Variants in BAIAP2 observed in about 807,000 individuals in gnomAD.
BAIAP2 encodes the protein BAR/IMD domain containing adaptor protein 2, also known as BAR/IMD domain-containing adapter protein 2.
Under a neutral mutation model 63.0 loss-of-function variants are expected in BAIAP2, and 18 were observed. The ratio of observed to expected loss-of-function variants is 0.29; its 90% CI spans 0.20 to 0.42. BAIAP2 has a LOEUF of 0.42. BAIAP2 is among the 10% of genes least tolerant of loss of function. The pLI, the probability that BAIAP2 is intolerant of heterozygous loss-of-function variation, is 1.00. For missense variants in BAIAP2, 610 were observed against 734.3 expected, an observed-to-expected ratio of 0.83 and a Z score of 1.96; for synonymous variants, 386 against 307.6, an observed-to-expected ratio of 1.25 and a Z score of -2.67.
chr17:81,098,131 AG>A (rs2057948445), intron 6 of BAIAP2: 2 of 1,445,228 alleles, frequency 1.4e-6, no homozygotes, highest in Non-Finnish European at 1.8e-6. Flanking sequence ...CTCCTCCCAG[AG>A]GGACAGAGGC....
At chr17:81,102,286 GGCCGCTGTGTCAGGGCCGT>G (rs2058598653) in intron 7 of BAIAP2, among the ~76,000 whole-genome samples, 1 of 152,178 alleles carries the variant, frequency 6.6e-6, no homozygotes, top group Non-Finnish European at 1.5e-5. Flanking sequence ...GCTGGCTCGT[GGCCGCTGTGTCAGGGCCGT>G]GCCGCTGCGA....
At chr17:81,073,296 G>A (rs1174586966) in intron 3 of BAIAP2, among the ~76,000 whole-genome samples, 2 of 152,102 alleles carry the variant, frequency 1.3e-5, no homozygotes, top group Admixed American at 1.3e-4. Flanking sequence ...ACCACCTGGG[G>A]TGCCTTTCAG....
chr17:81,037,503 A>G (rs373804830), intron 1 of BAIAP2, among the ~76,000 whole-genome samples: 1 of 152,328 alleles, frequency 6.6e-6, no homozygotes, highest in African/African-American at 2.4e-5. Context: ...GCTTTTGGCA[A>G]TGTCAGCCAG....
intron 6 of BAIAP2, among the ~76,000 whole-genome samples, chr17:81,095,909 C>G (rs1035583610): frequency 1.3e-5 from 2 of 152,184 alleles, no homozygotes; most frequent in African/African-American, 4.8e-5. Context: ...GCCAGTACCC[C>G]TCGCTGTACT....
chr17:81,104,954 A>G (rs1487632049), intron 10 of BAIAP2: 3 of 506,180 alleles, frequency 5.9e-6, no homozygotes, highest in African/African-American at 5.8e-5. Context: ...GTCTTCCCCT[A>G]CAGGAGGGAT....
At chr17:81,064,803 C>CA (rs150572370) in intron 3 of BAIAP2, among the ~76,000 whole-genome samples, 9,461 of 152,300 alleles carry the variant, frequency 0.062, 352 homozygotes, top group African/African-American at 0.095. Flanking sequence ...CGTCTTCAGT[C>CA]AGAGACTGTT....
chr17:81,074,718 G>A (rs144534901), intron 3 of BAIAP2, among the ~76,000 whole-genome samples: 2 of 150,268 alleles, frequency 1.3e-5, no homozygotes, highest in Non-Finnish European at 3.0e-5. Context: ...GTGTCTGTGC[G>A]TCTGTGTGCG....
At position 81,116,697 on chromosome 17, in the gene BAIAP2, G is replaced by T; in HGVS notation, c.*858G>T. 1 of 267,848 alleles carries T rather than the reference G, an allele frequency of 3.7e-6. No homozygotes were observed. The highest frequency in any genetic ancestry group is 7.3e-6 in the Non-Finnish European group (1 of 136,314). The allele number at this position is 267,848 out of a possible 1,614,324, so 16.6% of individuals were successfully genotyped here. ...GCACTGGGGAGCTCTGCTGGAATTG[G>T]GGGTTTTAAAACTTCATTAGCAGAT... On this transcript the variant is annotated 3_prime_UTR_variant, in exon 14 of 14. Transcript: ENST00000428708.
chr17:81,115,704 G>A (rs2060477935), intron 13 of BAIAP2, 66 bp from the exon 14 acceptor site: 23 of 1,594,344 alleles, frequency 1.4e-5, no homozygotes, highest in Non-Finnish European at 1.9e-5. Flanking sequence ...GCATCGGGCA[G>A]CCCAGGTGGC....
intron 3 of BAIAP2, among the ~76,000 whole-genome samples, chr17:81,077,830 G>A (rs2145044122): frequency 6.6e-6 from 1 of 150,844 alleles, no homozygotes; most frequent in African/African-American, 2.4e-5. Context: ...GGGTGCTGTG[G>A]GCACAGGTGC....
rs561391890 is a variant in BAIAP2 at position 81,066,446 on chromosome 17, C to T, written c.217+8479C>T. 1.6e-4 allele frequency among the ~76,000 whole-genome samples: 25 copies of T among 152,364 alleles called. 1 individual carries two copies. The South Asian group carries it at 4.8e-3, about 29-fold the overall frequency. The stretch of plus-strand genomic sequence containing the variant: ...CATAGCTGTTGGCTGCAGTGCACGC[C>T]TCGTTGTCCAGAGTGAGGCAGGTGT... On this transcript the variant is annotated intron_variant, in intron 3 of 13. Coordinates refer to ENST00000428708, the MANE Select transcript of BAIAP2 (RefSeq NM_001144888.2).
chr17:81,065,658 C>G (rs889109691), intron 3 of BAIAP2, among the ~76,000 whole-genome samples: 4 of 152,350 alleles, frequency 2.6e-5, no homozygotes, highest in African/African-American at 7.2e-5. Flanking sequence ...CTCTCGCTCC[C>G]CCACCCGAGG....
At chr17:81,055,790 C>T (rs1176573298) in intron 2 of BAIAP2, among the ~76,000 whole-genome samples, 1 of 152,010 alleles carries the variant, frequency 6.6e-6, no homozygotes, top group Non-Finnish European at 1.5e-5. Context: ...TGGTCTCGAT[C>T]TCCTGACCTC....
chr17:81,047,303 C>T (rs1452496879), intron 1 of BAIAP2, among the ~76,000 whole-genome samples: 2 of 152,052 alleles, frequency 1.3e-5, no homozygotes, highest in African/African-American at 4.8e-5. Flanking sequence ...CTTCCTGAGC[C>T]TCACTTTCAT....
chr17:81,053,889 T>G, intron 2 of BAIAP2, 146 bp downstream of exon 2: 1 of 526,690 alleles, frequency 1.9e-6, no homozygotes, highest in Middle Eastern at 5.0e-4. Flanking sequence ...CCTGAGCTGG[T>G]AGAACTGTGC....
At chr17:81,042,804 C>T (rs150251065) in intron 1 of BAIAP2, among the ~76,000 whole-genome samples, 1,841 of 152,234 alleles carry the variant, frequency 0.012, 36 homozygotes, top group African/African-American at 0.042. Context: ...CACCCAGAGC[C>T]AAGCTTGGTC....
chr17:81,105,788 C>T (rs958549450), intron 10 of BAIAP2: 24 of 346,694 alleles, frequency 6.9e-5, no homozygotes, highest in Admixed American at 1.8e-4. Context: ...ACTGGGGCTG[C>T]GAGGCAGGAG....
At chr17:81,089,759 A>G (rs1598729135) in intron 6 of BAIAP2, among the ~76,000 whole-genome samples, 1 of 152,030 alleles carries the variant, frequency 6.6e-6, no homozygotes, top group African/African-American at 2.4e-5. Flanking sequence ...TGCCGAGGCA[A>G]ATGGTCCCCC....
chr17:81,060,360 C>T (rs780671790), intron 3 of BAIAP2, among the ~76,000 whole-genome samples: 12 of 152,336 alleles, frequency 7.9e-5, no homozygotes, highest in East Asian at 3.9e-4. Context: ...CTCATCCCCA[C>T]GCTCCCAGCC....
Sources: gnomAD v4.1 joint callset for allele counts (sites outside exome capture counted in the v4.1 genomes callset) on GRCh38, gnomAD v4.1.1 for gene constraint, MANE v1.5 for transcripts, NCBI Gene and HGNC (gene_info 2026-07-23, HGNC 2026-07-21) for gene names.